MACROD1: variants seen among roughly 807,000 people sequenced by gnomAD.
The protein encoded by MACROD1 is ADP-ribose glycohydrolase MACROD1.
In MACROD1, 31 loss-of-function variants were observed where a neutral mutation model predicts 41.4. The ratio of observed to expected loss-of-function variants is 0.75; its 90% CI spans 0.56 to 1.01. The LOEUF (loss-of-function observed/expected upper bound fraction) is 1.01. MACROD1 is among the 50% of genes least tolerant of loss of function. MACROD1 has a pLI of 0.00. For missense variants in MACROD1, 473 were observed against 460.0 expected, an observed-to-expected ratio of 1.03 and a Z score of -0.26; for synonymous variants, 252 against 203.4, an observed-to-expected ratio of 1.24 and a Z score of -2.03.
At chr11:64,023,725 A>G (rs1342910603) in intron 3 of MACROD1, among the ~76,000 whole-genome samples, 1 of 150,594 alleles carries the variant, frequency 6.6e-6, no homozygotes, top group African/African-American at 2.4e-5. Flanking sequence ...ACTCCCCTGT[A>G]CCTCAGAGCG....
intron 3 of MACROD1, among the ~76,000 whole-genome samples, chr11:64,127,505 G>A (rs1945203988): frequency 2.0e-5 from 3 of 152,186 alleles, no homozygotes; most frequent in Non-Finnish European, 2.9e-5. Flanking sequence ...GCCCTGGCTC[G>A]GAGGCGGTGA....
At chr11:64,092,034 G>A (rs766120191) in intron 3 of MACROD1, among the ~76,000 whole-genome samples, 2 of 152,164 alleles carry the variant, frequency 1.3e-5, no homozygotes, top group Non-Finnish European at 2.9e-5. Context: ...CAGCTCCTGA[G>A]GGTCCCAAAA....
intron 3 of MACROD1, among the ~76,000 whole-genome samples, chr11:64,138,261 G>A (rs1365984888): frequency 6.6e-6 from 1 of 152,204 alleles, no homozygotes; most frequent in Non-Finnish European, 1.5e-5. Context: ...GGCCCTGAGA[G>A]GCAGTCAGCT....
At chr11:64,010,461 GCT>G in intron 4 of MACROD1, among the ~76,000 whole-genome samples, 1 of 150,634 alleles carries the variant, frequency 6.6e-6, no homozygotes, top group Non-Finnish European at 1.5e-5. Flanking sequence ...TGGGGTGCTG[GCT>G]GGCATGTTGG....
intron 3 of MACROD1, among the ~76,000 whole-genome samples, chr11:64,133,441 TGA>T (rs1363590429): frequency 5.3e-5 from 8 of 152,144 alleles, no homozygotes; most frequent in African/African-American, 1.7e-4. Context: ...ACACGCAATG[TGA>T]GAGGGCAGGA....
intron 3 of MACROD1, among the ~76,000 whole-genome samples, chr11:64,129,255 C>T (rs1306268058): frequency 1.3e-5 from 2 of 152,256 alleles, no homozygotes; most frequent in Non-Finnish European, 2.9e-5. Context: ...GGGTTAGACC[C>T]ATGGGCTCCG....
intron 1 of MACROD1, among the ~76,000 whole-genome samples, chr11:64,154,330 C>G (rs963386039): frequency 2.6e-5 from 4 of 152,166 alleles, no homozygotes; most frequent in Non-Finnish European, 4.4e-5. Flanking sequence ...GACCCTGCAC[C>G]AGGGGTCCCT....
At chr11:64,034,399 A>T (rs568618902) in intron 3 of MACROD1, among the ~76,000 whole-genome samples, 15 of 152,246 alleles carry the variant, frequency 9.9e-5, no homozygotes, top group Non-Finnish European at 2.2e-4. Context: ...GGCAATAAAT[A>T]AAAATTGGGA....
rs1357219130 is a variant in MACROD1 at position 64,090,739 on chromosome 11, C to T, written c.517+60500G>A. On this transcript the variant is annotated intron_variant, in intron 3 of 10. Coordinates refer to ENST00000255681, the MANE Select transcript of MACROD1 (RefSeq NM_014067.4). This position sits in a 1 kb window ranked among gnomAD's most constrained non-coding sequence, Gnocchi z 4.7. ...CAGGGGTGGCAGCGTCTCTCCACCA[C>T]ATCCCAAGACTAAAAGGGGGGCGGG... Among the ~76,000 whole-genome samples the T allele has an allele frequency of 1.3e-5, 2 of 152,036 alleles. No homozygotes were observed. Among genetic ancestry groups the T allele is most frequent in the Non-Finnish European group, 2.9e-5 (2 of 68,006 alleles).
At chr11:64,113,952 ATGGATGGATGGATAAT>A (rs1248406002) in intron 3 of MACROD1, among the ~76,000 whole-genome samples, 29 of 148,408 alleles carry the variant, frequency 2.0e-4, no homozygotes, top group East Asian at 6.2e-4. Flanking sequence ...GGATGGATGG[ATGGATGGATGGATAAT>A]TGGATGGATG....
Position 64,120,203 on chromosome 11 carries a change from G to C in MACROD1, c.517+31036C>G, listed in dbSNP as rs753787058. Among the ~76,000 whole-genome samples the C allele has an allele frequency of 3.3e-5, 5 of 152,192 alleles. No homozygotes were observed. The highest frequency in any genetic ancestry group is 7.3e-5 in the Non-Finnish European group (5 of 68,040). ...GTGGAAAGTGGAAAAATGGGCACAG[G>C]CTCCCAGCACGGCCTGGGGGGGCTA... On this transcript the variant is annotated intron_variant, in intron 3 of 10. Coordinates refer to ENST00000255681, the MANE Select transcript of MACROD1 (RefSeq NM_014067.4). This position sits in a 1 kb window ranked among gnomAD's most constrained non-coding sequence, Gnocchi z 4.5.
intron 3 of MACROD1, among the ~76,000 whole-genome samples, chr11:64,071,657 T>C (rs900963012): frequency 1.3e-5 from 2 of 152,104 alleles, no homozygotes; most frequent in Non-Finnish European, 2.9e-5. Context: ...ATTTGTGAAG[T>C]GGGAACCACA....
intron 3 of MACROD1, among the ~76,000 whole-genome samples, chr11:64,126,618 C>T (rs1324922340): frequency 6.6e-6 from 1 of 152,132 alleles, no homozygotes; most frequent in Non-Finnish European, 1.5e-5. Context: ...ACAACGTCAT[C>T]CCCTTCCCGG....
In MACROD1 at chr11:64,011,129, T is replaced by C. The variant is rs1045069039; in HGVS notation, c.547+4123A>G. Among the ~76,000 whole-genome samples the C allele has an allele frequency of 1.8e-4, 27 of 149,172 alleles. No homozygotes were observed. In the South Asian group the frequency reaches 2.4e-3, roughly 13 times the overall value. Reference sequence around the variant, plus strand: ...GTTGGTTGGGGTGTTGGCTGGCATATTGGTTGGCACGAGTTGGTTGGGGTG... The same window carrying C: ...GTTGGTTGGGGTGTTGGCTGGCATACTGGTTGGCACGAGTTGGTTGGGGTG... On this transcript the variant is annotated intron_variant, in intron 4 of 10. Coordinates refer to ENST00000255681, the MANE Select transcript of MACROD1 (RefSeq NM_014067.4).
At chr11:64,053,088 C>A (rs564924746) in intron 3 of MACROD1, among the ~76,000 whole-genome samples, 1 of 152,328 alleles carries the variant, frequency 6.6e-6, no homozygotes, top group East Asian at 1.9e-4. Flanking sequence ...CCCTCCAGCA[C>A]GCTGGGCCTG....
At chr11:64,017,011 C>T (rs946429229) in intron 3 of MACROD1, among the ~76,000 whole-genome samples, 2 of 152,138 alleles carry the variant, frequency 1.3e-5, no homozygotes, top group Admixed American at 6.5e-5. Context: ...GCTCTGTGGC[C>T]CAGGCTGGAG....
chr11:64,048,149 C>T (rs1035899569), intron 3 of MACROD1, among the ~76,000 whole-genome samples: 10 of 152,212 alleles, frequency 6.6e-5, no homozygotes, highest in African/African-American at 1.2e-4. Context: ...CCTGCCCCCA[C>T]GACAGCTGCC....
chr11:64,162,442 C>T (rs1394093763), intron 1 of MACROD1, among the ~76,000 whole-genome samples: 6 of 152,000 alleles, frequency 3.9e-5, no homozygotes, highest in Admixed American at 3.3e-4. Flanking sequence ...TTTAAGGGTG[C>T]AGCTAGCTAT....
At chr11:64,065,313 A>G (rs965595747) in intron 3 of MACROD1, among the ~76,000 whole-genome samples, 50 of 152,300 alleles carry the variant, frequency 3.3e-4, no homozygotes, top group Admixed American at 3.1e-3. Context: ...CTGCCTCAAC[A>G]TGCAGGAGGC....
Sources: gnomAD v4.1 joint callset for allele counts (sites outside exome capture counted in the v4.1 genomes callset) on GRCh38, gnomAD v4.1.1 for gene constraint, Gnocchi (gnomAD v3.1) non-coding constraint, MANE v1.5 for transcripts, NCBI Gene and HGNC (gene_info 2026-07-23, HGNC 2026-07-21) for gene names.